Variants in LINGO2 observed in about 807,000 individuals in gnomAD.
The protein encoded by LINGO2 is leucine-rich repeat and immunoglobulin-like domain-containing nogo receptor-interacting protein 2.
Under a neutral mutation model 30.6 loss-of-function variants are expected in LINGO2, and 14 were observed. That is an observed-to-expected ratio of 0.46 (90% CI 0.30 to 0.72). The LOEUF (loss-of-function observed/expected upper bound fraction) is 0.72, where lower values mean the gene tolerates loss of function less well. Among genes scored for constraint, LINGO2 ranks in the 30% least tolerant of loss-of-function variants. The probability of loss-of-function intolerance (pLI) is 0.07; values close to 1 mark genes in which losing one functional copy is unlikely to be tolerated. For synonymous variants in LINGO2, 317 were observed against 288.5 expected (o/e 1.10, Z -1.00); for missense variants, 729 against 751.7 (o/e 0.97, Z 0.35).
chr9:28,789,735 A>C, the LINGO2 span, among the ~76,000 whole-genome samples: 7 of 152,324 alleles, frequency 4.6e-5, no homozygotes, highest in African/African-American at 1.7e-4. Context: ...GTTCCTTAGA[A>C]TCAAGAGAGG....
chr9:28,621,974 G>A (rs577734387), intron 1 of LINGO2, among the ~76,000 whole-genome samples: 12 of 152,064 alleles, frequency 7.9e-5, no homozygotes, highest in East Asian at 3.9e-4. Context: ...CCATGCAAGC[G>A]TTACCACAAA....
chr9:28,392,315 C>T (rs1479075050), intron 2 of LINGO2, among the ~76,000 whole-genome samples: 4 of 152,142 alleles, frequency 2.6e-5, no homozygotes, highest in Admixed American at 2.6e-4. Context: ...AGGAAGGCTA[C>T]TTGAGAAAAA....
At chr9:28,668,242 T>C (rs1160048478) in intron 1 of LINGO2, among the ~76,000 whole-genome samples, 1 of 152,090 alleles carries the variant, frequency 6.6e-6, no homozygotes, top group Non-Finnish European at 1.5e-5. Flanking sequence ...TCTCCTTTTC[T>C]TATTTTAAAT....
chr9:29,022,883 A>T, the LINGO2 span, among the ~76,000 whole-genome samples: 1 of 151,842 alleles, frequency 6.6e-6, no homozygotes, highest in African/African-American at 2.4e-5. Context: ...CATATCTAGC[A>T]TGTTATCTGG....
intron 4 of LINGO2, among the ~76,000 whole-genome samples, chr9:28,064,202 T>C (rs535105459): frequency 6.6e-6 from 1 of 152,148 alleles, no homozygotes; most frequent in African/African-American, 2.4e-5. Flanking sequence ...GGTCTCTTGC[T>C]GTGTTTAGGA....
the LINGO2 span, among the ~76,000 whole-genome samples, chr9:29,055,957 T>C: frequency 1.1e-5 from 1 of 87,020 alleles, no homozygotes; most frequent in African/African-American, 4.0e-5. Context: ...TACATATATA[T>C]GTACATGTAT....
At chr9:28,260,510 G>A (rs1822528356) in intron 4 of LINGO2, among the ~76,000 whole-genome samples, 1 of 151,778 alleles carries the variant, frequency 6.6e-6, no homozygotes, top group South Asian at 2.1e-4. Flanking sequence ...ATTCAGTCTT[G>A]TGAGACAGAC....
intron 4 of LINGO2, among the ~76,000 whole-genome samples, chr9:28,267,260 C>T (rs751593053): frequency 1.5e-4 from 22 of 151,712 alleles, no homozygotes; most frequent in Non-Finnish European, 3.1e-4. Flanking sequence ...ATTACAATAC[C>T]ACCATTTTTT....
the LINGO2 span, among the ~76,000 whole-genome samples, chr9:28,675,924 TACATACACACACACACACACACACACAG>T: frequency 2.9e-5 from 4 of 137,666 alleles, no homozygotes; most frequent in East Asian, 4.7e-4. Flanking sequence ...TATATATATA[TACATACACACACACACACACACACACAG>T]ATATATATGT....
chr9:28,868,975 T>C, the LINGO2 span, among the ~76,000 whole-genome samples: 2 of 152,142 alleles, frequency 1.3e-5, no homozygotes, highest in African/African-American at 2.4e-5. Context: ...GATTTGATAA[T>C]ATAACAAATT....
intron 1 of LINGO2, among the ~76,000 whole-genome samples, chr9:28,644,648 A>T (rs1283311448): frequency 1.3e-5 from 2 of 151,960 alleles, no homozygotes; most frequent in Non-Finnish European, 2.9e-5. Context: ...ACTATAGGCA[A>T]TAATAGTTTA....
the LINGO2 span, among the ~76,000 whole-genome samples, chr9:29,058,147 T>C: frequency 6.6e-6 from 1 of 151,704 alleles, no homozygotes; most frequent in Non-Finnish European, 1.5e-5. Flanking sequence ...AGAGAGAAAA[T>C]GAAATTAGCA....
At chr9:28,758,713 A>T in the LINGO2 span, among the ~76,000 whole-genome samples, 1 of 152,110 alleles carries the variant, frequency 6.6e-6, no homozygotes, top group Non-Finnish European at 1.5e-5. Context: ...ATGACAAACA[A>T]ATATTGTCTA....
At chr9:28,953,634 C>T in the LINGO2 span, among the ~76,000 whole-genome samples, 1 of 151,908 alleles carries the variant, frequency 6.6e-6, no homozygotes, top group African/African-American at 2.4e-5. Context: ...TGCATTCAAC[C>T]TGTGTGATAT....
At chr9:28,848,283 C>CTATA in the LINGO2 span, among the ~76,000 whole-genome samples, 2 of 82,492 alleles carry the variant, frequency 2.4e-5, no homozygotes, top group African/African-American at 1.7e-4. Context: ...TATATATACA[C>CTATA]TATGCATATA....
intron 1 of LINGO2, among the ~76,000 whole-genome samples, chr9:28,502,924 T>A (rs1418998202): frequency 6.6e-6 from 1 of 152,112 alleles, no homozygotes; most frequent in East Asian, 1.9e-4. Flanking sequence ...CAAAGCCTCC[T>A]TAATAGTTCC....
intron 4 of LINGO2, among the ~76,000 whole-genome samples, chr9:28,067,125 TCAC>T (rs1303318289): frequency 6.6e-6 from 1 of 152,072 alleles, no homozygotes; most frequent in Admixed American, 6.6e-5. Flanking sequence ...ATATTCAGGG[TCAC>T]ATACCTTTTA....
intron 3 of LINGO2, among the ~76,000 whole-genome samples, chr9:28,297,689 T>C (rs1343417889): frequency 6.6e-6 from 1 of 152,144 alleles, no homozygotes; most frequent in Non-Finnish European, 1.5e-5. Flanking sequence ...GCTTGTGAGG[T>C]TGTTATTGGA....
At chr9:28,006,057 C>G (rs956126996) in intron 5 of LINGO2, among the ~76,000 whole-genome samples, 1 of 151,992 alleles carries the variant, frequency 6.6e-6, no homozygotes, top group Non-Finnish European at 1.5e-5. Context: ...ATGATAAGGT[C>G]TAGGCCTATC....
Sources: allele counts gnomAD v4.1 joint callset (sites outside exome capture counted in the v4.1 genomes callset), GRCh38; gene constraint gnomAD v4.1.1; transcripts MANE v1.5; gene names NCBI Gene and HGNC (gene_info 2026-07-23, HGNC 2026-07-21).